FNIP2: variants seen among roughly 807,000 people sequenced by gnomAD.
FNIP2 encodes folliculin-interacting protein 2.
Under a neutral mutation model 108.7 loss-of-function variants are expected in FNIP2, and 32 were observed. The ratio of observed to expected loss-of-function variants is 0.29; its 90% CI spans 0.22 to 0.40. The LOEUF is 0.40. FNIP2 is among the 10% of genes least tolerant of loss of function. The probability of loss-of-function intolerance (pLI) is 1.00; values close to 1 mark genes in which losing one functional copy is unlikely to be tolerated. For synonymous variants in FNIP2, 480 were observed against 496.7 expected (o/e 0.97, Z 0.45); for missense variants, 1,202 against 1,381.6 (o/e 0.87, Z 2.06).
chr4:158,826,148 T>C, intron 2 of FNIP2, 106 bp downstream of exon 2: 2 of 1,399,904 alleles, frequency 1.4e-6, no homozygotes, highest in Non-Finnish European at 1.9e-6. Context: ...TATTATACAG[T>C]GCCATTAATG....
intron 3 of FNIP2, among the ~76,000 whole-genome samples, chr4:158,830,939 C>G (rs1002466763): frequency 6.6e-6 from 1 of 152,010 alleles, no homozygotes; most frequent in African/African-American, 2.4e-5. Flanking sequence ...TTCTAGAGCT[C>G]CAGGAGAGCT....
chr4:158,836,342 G>T (rs1183476530), intron 7 of FNIP2: 1 of 152,180 alleles, frequency 6.6e-6, no homozygotes, highest in Admixed American at 6.5e-5. Context: ...GTGCAACTCT[G>T]CTCTTGTGTT....
chr4:158,769,905 T>C (rs779470366), intron 1 of FNIP2, among the ~76,000 whole-genome samples: 2 of 152,224 alleles, frequency 1.3e-5, no homozygotes, highest in African/African-American at 4.8e-5. Flanking sequence ...TTATGAAATT[T>C]CCGAGATTTC....
At chr4:158,883,156 A>G (rs1781789048) in intron 14 of FNIP2, among the ~76,000 whole-genome samples, 1 of 152,198 alleles carries the variant, frequency 6.6e-6, no homozygotes, top group African/African-American at 2.4e-5. Flanking sequence ...ATTATCCAGA[A>G]TATCTCAGAG....
chr4:158,779,549 T>C (rs1226352152), intron 1 of FNIP2, among the ~76,000 whole-genome samples: 1 of 145,694 alleles, frequency 6.9e-6, no homozygotes, highest in African/African-American at 2.5e-5. Context: ...AGATTGTGGG[T>C]AAATATCCTT....
At chr4:158,899,740 CT>C (rs1783032256) in intron 16 of FNIP2, among the ~76,000 whole-genome samples, 1 of 152,056 alleles carries the variant, frequency 6.6e-6, no homozygotes, top group African/African-American at 2.4e-5. Context: ...ATATTCTCTT[CT>C]TTCTTCTTTA....
chr4:158,897,007 G>A (rs541402065), intron 16 of FNIP2, among the ~76,000 whole-genome samples: 7 of 139,208 alleles, frequency 5.0e-5, no homozygotes, highest in Non-Finnish European at 1.1e-4. Context: ...CCCCCCACCC[G>A]CCAAATAGGC....
chr4:158,884,186 T>C (rs1040258401), intron 14 of FNIP2, among the ~76,000 whole-genome samples: 1 of 152,178 alleles, frequency 6.6e-6, no homozygotes, highest in Non-Finnish European at 1.5e-5. Flanking sequence ...ATTGGAGGTA[T>C]AATATTGCCA....
chr4:158,869,245 T>C lies in FNIP2; in HGVS notation c.2609T>C (p.Ile870Thr), dbSNP rs750812259. 1.6e-5 allele frequency: 26 copies of C among 1,613,800 alleles called. No individual in the cohort carries two copies. The Admixed American group carries it at 4.3e-4, about 27-fold the overall frequency. The change falls in exon 13 of 17, where the codon ATC becomes ACC. Residue 870 changes from isoleucine to threonine, a missense_variant. Ile to Thr is a moderately conservative substitution (Grantham distance 89, BLOSUM62 -1). Coordinates refer to ENST00000264433, the MANE Select transcript of FNIP2 (RefSeq NM_020840.3). Reference protein sequence around the residue: ...RGPGLVAGANIPCGDDNKKAN... With the variant: ...RGPGLVAGANTPCGDDNKKAN... ...CCTGGCCTCGTGGCTGGTGCGAATA[T>C]CCCCTGTGGGGATGACAACAAGAAG...
chr4:158,865,270 C>T (rs971028706), intron 12 of FNIP2, among the ~76,000 whole-genome samples: 7 of 152,124 alleles, frequency 4.6e-5, no homozygotes, highest in African/African-American at 1.7e-4. Flanking sequence ...GCAATTTCTA[C>T]ATTTTAAAAA....
intron 14 of FNIP2, 99 bp downstream of exon 14, chr4:158,870,568 G>T: frequency 3.5e-6 from 5 of 1,421,394 alleles, no homozygotes; most frequent in Non-Finnish European, 4.8e-6. Flanking sequence ...CTAGTTAAGG[G>T]GTTGTTTATG....
intron 12 of FNIP2, among the ~76,000 whole-genome samples, chr4:158,863,815 A>C (rs1033999962): frequency 6.6e-6 from 1 of 152,150 alleles, no homozygotes; most frequent in Non-Finnish European, 1.5e-5. Flanking sequence ...GTAGTTCCAT[A>C]TAGGTCTCTT....
rs1028771144 is a variant in FNIP2 at position 158,905,854 on chromosome 4, T to A, written c.*1310T>A. On this transcript the variant is annotated 3_prime_UTR_variant, in exon 17 of 17. Transcript: ENST00000264433. ...GCTAAGCTAGCAAAGCAAAACATCT[T>A]TAGCACTTTGCAGATCTCAAGCAGT... The A allele has an allele frequency of 2.6e-5, 4 of 152,204 alleles. No homozygotes were observed. Among genetic ancestry groups the A allele is most frequent in the African/African-American group, 9.6e-5 (4 of 41,454 alleles). 9.4% of individuals were successfully genotyped at this position (152,204 alleles called of 1,614,324 possible). A position where few individuals can be genotyped will look rare whatever the true frequency, so the allele number is the denominator to read the frequency against.
chr4:158,836,739 C>G (rs1370440205), intron 7 of FNIP2: 1 of 145,134 alleles, frequency 6.9e-6, no homozygotes, highest in Non-Finnish European at 1.5e-5. Flanking sequence ...TCATTTGTAC[C>G]TGGGAGGCGG....
intron 1 of FNIP2, among the ~76,000 whole-genome samples, chr4:158,784,726 A>G (rs1390678661): frequency 6.6e-6 from 1 of 152,190 alleles, no homozygotes; most frequent in African/African-American, 2.4e-5. Context: ...CTGATCTGAC[A>G]AGGTGGAGCT....
chr4:158,798,201 A>C (rs1434027958), intron 1 of FNIP2, among the ~76,000 whole-genome samples: 1 of 152,002 alleles, frequency 6.6e-6, no homozygotes, highest in African/African-American at 2.4e-5. Flanking sequence ...AGTAGTTAGC[A>C]TTACACGCAC....
At chr4:158,824,629 C>T (rs1411442358) in intron 1 of FNIP2, among the ~76,000 whole-genome samples, 1 of 152,188 alleles carries the variant, frequency 6.6e-6, no homozygotes, top group Non-Finnish European at 1.5e-5. Flanking sequence ...GTCTTCATCT[C>T]TTCCACCCCC....
At chr4:158,841,213 CAG>C (rs1779113585) in intron 7 of FNIP2, among the ~76,000 whole-genome samples, 1 of 152,062 alleles carries the variant, frequency 6.6e-6, no homozygotes, top group Non-Finnish European at 1.5e-5. Context: ...GAGAATGGGA[CAG>C]GGGATTACAC....
chr4:158,796,231 T>G (rs1399946030), intron 1 of FNIP2, among the ~76,000 whole-genome samples: 3 of 152,156 alleles, frequency 2.0e-5, no homozygotes, highest in East Asian at 3.8e-4. Context: ...ACTTAGAGGA[T>G]TCAGCTTGTA....
Sources: gnomAD v4.1 joint callset for allele counts (sites outside exome capture counted in the v4.1 genomes callset) on GRCh38, gnomAD v4.1.1 for gene constraint, MANE v1.5 for transcripts, NCBI Gene and HGNC (gene_info 2026-07-23, HGNC 2026-07-21) for gene names.